The following IMMP2L variants were observed in gnomAD, a reference collection of about 807,000 sequenced individuals.
IMMP2L encodes the protein mitochondrial inner membrane protease subunit 2.
A neutral mutation model predicts 19.3 loss-of-function variants in IMMP2L; 18 were observed. The ratio of observed to expected loss-of-function variants is 0.93; its 90% CI spans 0.64 to 1.38. The LOEUF (loss-of-function observed/expected upper bound fraction) is 1.38. Among genes scored for constraint, IMMP2L ranks in the 40% most tolerant of loss-of-function variants. IMMP2L has a pLI of 0.00. For synonymous variants in IMMP2L, 76 were observed against 73.0 expected (o/e 1.04, Z -0.21); for missense variants, 233 against 218.2 (o/e 1.07, Z -0.43).
chr7:111,445,584 TG>T (rs933762735), intron 3 of IMMP2L, among the ~76,000 whole-genome samples: 3 of 152,150 alleles, frequency 2.0e-5, no homozygotes, highest in Admixed American at 1.3e-4. Flanking sequence ...CTCTAAGACA[TG>T]GGCATTCTCA....
chr7:110,819,973 C>T (rs749468080), intron 5 of IMMP2L, among the ~76,000 whole-genome samples: 12 of 151,774 alleles, frequency 7.9e-5, no homozygotes, highest in Non-Finnish European at 1.5e-4. Flanking sequence ...CCATATTTAC[C>T]TTGTTTTTCA....
At chr7:111,278,763 C>T (rs1029252443) in intron 3 of IMMP2L, among the ~76,000 whole-genome samples, 1 of 152,156 alleles carries the variant, frequency 6.6e-6, no homozygotes, top group African/African-American at 2.4e-5. Context: ...GCTCTACCTT[C>T]CCCACATACA....
At chr7:110,680,384 C>A (rs1792629492) in intron 5 of IMMP2L, among the ~76,000 whole-genome samples, 1 of 152,118 alleles carries the variant, frequency 6.6e-6, no homozygotes, top group Non-Finnish European at 1.5e-5. Context: ...TGTCTCCTCA[C>A]CCTAGAATGA....
intron 3 of IMMP2L, among the ~76,000 whole-genome samples, chr7:111,226,310 T>C (rs1028530042): frequency 6.6e-6 from 1 of 151,948 alleles, no homozygotes; most frequent in African/African-American, 2.4e-5. Flanking sequence ...TGTGCCACCA[T>C]GCCCAGCTAC....
chr7:111,145,453 T>C (rs1803362750), intron 3 of IMMP2L, among the ~76,000 whole-genome samples: 1 of 152,112 alleles, frequency 6.6e-6, no homozygotes, highest in Admixed American at 6.6e-5. Flanking sequence ...GAATTAATTA[T>C]CGGAGACCAA....
chr7:110,700,730 CTTCAATT>C (rs1434374633), intron 5 of IMMP2L, among the ~76,000 whole-genome samples: 1 of 152,134 alleles, frequency 6.6e-6, no homozygotes, highest in East Asian at 1.9e-4. Flanking sequence ...TGGTCATTTC[CTTCAATT>C]TTGCCTTTCT....
chr7:111,396,414 A>C (rs972860895), intron 3 of IMMP2L, among the ~76,000 whole-genome samples: 2 of 152,102 alleles, frequency 1.3e-5, no homozygotes, highest in African/African-American at 4.8e-5. Flanking sequence ...GGAACAGAAA[A>C]CCACATGTTC....
At chr7:111,111,677 T>C (rs1359542917) in intron 3 of IMMP2L, among the ~76,000 whole-genome samples, 1 of 151,952 alleles carries the variant, frequency 6.6e-6, no homozygotes, top group African/African-American at 2.4e-5. Context: ...GCGTCAATAG[T>C]AATTTTAAAT....
chr7:111,330,529 A>G (rs973821938), intron 3 of IMMP2L, among the ~76,000 whole-genome samples: 3 of 151,770 alleles, frequency 2.0e-5, no homozygotes, highest in Non-Finnish European at 2.9e-5. Context: ...AACTTGTAAC[A>G]ATCAACTCAG....
At chr7:110,755,808 G>A (rs1334711682) in intron 5 of IMMP2L, among the ~76,000 whole-genome samples, 2 of 152,064 alleles carry the variant, frequency 1.3e-5, no homozygotes, top group Non-Finnish European at 2.9e-5. Flanking sequence ...AGGTGCTACA[G>A]CCTGGAGGGA....
chr7:110,701,227 G>T (rs1277976726), intron 5 of IMMP2L, among the ~76,000 whole-genome samples: 1 of 151,972 alleles, frequency 6.6e-6, no homozygotes, highest in African/African-American at 2.4e-5. Flanking sequence ...CAGTGAAAAT[G>T]GAATATTTAC....
chr7:111,205,254 T>C (rs1027981282), intron 3 of IMMP2L, among the ~76,000 whole-genome samples: 9 of 152,204 alleles, frequency 5.9e-5, no homozygotes, highest in Non-Finnish European at 8.8e-5. Flanking sequence ...ACTTAATCAC[T>C]TCCTAAAGGC....
At chr7:111,341,266 GA>G (rs1239328615) in intron 3 of IMMP2L, among the ~76,000 whole-genome samples, 1 of 151,950 alleles carries the variant, frequency 6.6e-6, no homozygotes, top group Non-Finnish European at 1.5e-5. Flanking sequence ...AAGTTCTCAA[GA>G]TATTAAATCA....
At chr7:110,846,348 C>CTTTTTTTTTTTTT (rs919194286) in intron 5 of IMMP2L, among the ~76,000 whole-genome samples, 4 of 126,432 alleles carry the variant, frequency 3.2e-5, no homozygotes, top group African/African-American at 6.0e-5. Flanking sequence ...ACCCTGATTT[C>CTTTTTTTTTTTTT]TTTTTTTTTT....
At chr7:111,215,532 C>T (rs936750334) in intron 3 of IMMP2L, among the ~76,000 whole-genome samples, 8 of 151,976 alleles carry the variant, frequency 5.3e-5, no homozygotes, top group African/African-American at 1.9e-4. Flanking sequence ...TGGAAGGCAC[C>T]CATTTAGTCT....
At chr7:111,029,279 G>C (rs1449043385) in intron 3 of IMMP2L, among the ~76,000 whole-genome samples, 1 of 152,154 alleles carries the variant, frequency 6.6e-6, no homozygotes, top group East Asian at 1.9e-4. Context: ...CATCAGGGAA[G>C]GATCTGGTTT....
At chr7:111,320,784 T>C (rs897368878) in intron 3 of IMMP2L, among the ~76,000 whole-genome samples, 2 of 152,030 alleles carry the variant, frequency 1.3e-5, no homozygotes, top group African/African-American at 4.8e-5. Context: ...TTTCTCCAGG[T>C]GACACATCTG....
chr7:111,219,979 T>C (rs1812345438), intron 3 of IMMP2L, among the ~76,000 whole-genome samples: 1 of 152,038 alleles, frequency 6.6e-6, no homozygotes, highest in South Asian at 2.1e-4. Flanking sequence ...TTTCACAAAA[T>C]AAATTTGGAA....
At position 110,907,626 on chromosome 7, in the gene IMMP2L, C is replaced by T. The variant is rs570615100; in HGVS notation, c.306-20931G>A. ...GCCCTCACTAGGGACCCACCCTCTT[C>T]TGCCCAGAATTTACCTGCCTCCTGT... On this transcript the variant is annotated intron_variant, in intron 4 of 5. Coordinates refer to ENST00000405709, the MANE Select transcript of IMMP2L (RefSeq NM_032549.4). Among the ~76,000 whole-genome samples, 4 of 152,306 alleles carry T rather than the reference C, an allele frequency of 2.6e-5. No homozygotes were observed. In the South Asian group the frequency reaches 8.3e-4, roughly 32 times the overall value.
Sources: gnomAD v4.1 joint callset for allele counts (sites outside exome capture counted in the v4.1 genomes callset) on GRCh38, gnomAD v4.1.1 for gene constraint, MANE v1.5 for transcripts, NCBI Gene and HGNC (gene_info 2026-07-23, HGNC 2026-07-21) for gene names.